SLC36A1: variants seen among roughly 807,000 people sequenced by gnomAD.
The protein encoded by SLC36A1 is solute carrier family 36 member 1.
Under a neutral mutation model 47.5 loss-of-function variants are expected in SLC36A1, and 30 were observed. That is an observed-to-expected ratio of 0.63 (90% CI 0.47 to 0.86). The LOEUF (loss-of-function observed/expected upper bound fraction) is 0.86. Ranked by LOEUF, SLC36A1 falls within the 40% of genes least tolerant of loss-of-function variation. The probability of loss-of-function intolerance (pLI) is 0.00; values close to 1 mark genes in which losing one functional copy is unlikely to be tolerated. For synonymous variants in SLC36A1, 255 were observed against 249.7 expected (o/e 1.02, Z -0.20); for missense variants, 517 against 606.0 (o/e 0.85, Z 1.54).
At chr5:151,440,989 GC>G (rs907978463) in intron 1 of SLC36A1, among the ~76,000 whole-genome samples, 1 of 152,196 alleles carries the variant, frequency 6.6e-6, no homozygotes, top group Non-Finnish European at 1.5e-5. Flanking sequence ...CTCCTAGAGG[GC>G]TTTTCAAAAT....
chr5:151,460,587 C>T (rs1755367266), intron 2 of SLC36A1, among the ~76,000 whole-genome samples: 1 of 152,060 alleles, frequency 6.6e-6, no homozygotes, highest in Admixed American at 6.5e-5. Flanking sequence ...TATTACAGTC[C>T]CATCACAGGT....
At chr5:151,437,322 C>T (rs967218794) in intron 1 of SLC36A1, 2 of 152,190 alleles carry the variant, frequency 1.3e-5, no homozygotes, top group Non-Finnish European at 2.9e-5. Context: ...AATTAATATT[C>T]ACATCTTTAA....
the SLC36A1 span, among the ~76,000 whole-genome samples, chr5:151,523,424 A>G: frequency 6.6e-6 from 1 of 152,188 alleles, no homozygotes; most frequent in South Asian, 2.1e-4. Flanking sequence ...AAAAAATATA[A>G]CTGAGGCTCA....
chr5:151,350,967 AT>A, the SLC36A1 span, among the ~76,000 whole-genome samples: 26 of 152,150 alleles, frequency 1.7e-4, 1 homozygote, highest in Admixed American at 1.3e-3. Context: ...TTAAAGGACA[AT>A]GTTTTTAATG....
the SLC36A1 span, among the ~76,000 whole-genome samples, chr5:151,508,692 A>G: frequency 6.6e-6 from 1 of 151,124 alleles, no homozygotes; most frequent in Admixed American, 6.6e-5. Flanking sequence ...CCTGGGCGAC[A>G]GAGTGAAACT....
At chr5:151,403,372 T>A in the SLC36A1 span, among the ~76,000 whole-genome samples, 3 of 152,166 alleles carry the variant, frequency 2.0e-5, no homozygotes, top group Non-Finnish European at 4.4e-5. Context: ...GAGAGTGAAT[T>A]TCTCATGAAT....
chr5:151,426,942 T>A, the SLC36A1 span, among the ~76,000 whole-genome samples: 1 of 152,244 alleles, frequency 6.6e-6, no homozygotes, highest in African/African-American at 2.4e-5. Flanking sequence ...AAGCACATCC[T>A]GCACAGCCCT....
the SLC36A1 span, among the ~76,000 whole-genome samples, chr5:151,394,037 C>T: frequency 9.3e-4 from 142 of 152,288 alleles, 1 homozygote; most frequent in East Asian, 3.3e-3. Context: ...CTTTCAGGTA[C>T]GCCAATCAGA....
chr5:151,402,302 T>C, the SLC36A1 span, among the ~76,000 whole-genome samples: 3 of 152,234 alleles, frequency 2.0e-5, no homozygotes, highest in Non-Finnish European at 2.9e-5. Context: ...CATTTATTGG[T>C]TGGTGTGTGC....
chr5:151,509,949 TTTCTAGAGGTCAGAGTACAGAGCGCATTC>T, the SLC36A1 span: 1 of 1,547,988 alleles, frequency 6.5e-7, no homozygotes, highest in South Asian at 1.2e-5. Flanking sequence ...CCCATTGGAC[TTTCTAGAGGTCAGAGTACAGAGCGCATTC>T]CCTAACAAGG....
chr5:151,408,093 C>T, the SLC36A1 span, among the ~76,000 whole-genome samples: 1 of 152,180 alleles, frequency 6.6e-6, no homozygotes, highest in Non-Finnish European at 1.5e-5. Flanking sequence ...TTTAGGTTCT[C>T]CTTCCATAAA....
chr5:151,512,520 G>T, the SLC36A1 span: 1 of 1,614,170 alleles, frequency 6.2e-7, no homozygotes. This position sits in a 1 kb window ranked among gnomAD's most constrained non-coding sequence, Gnocchi z 4.1. Flanking sequence ...AGTGCCACTC[G>T]TGGTCATTCA....
intron 3 of SLC36A1, 34 bp downstream of exon 3, chr5:151,463,677 CA>C: frequency 2.0e-6 from 3 of 1,526,436 alleles, no homozygotes; most frequent in Non-Finnish European, 2.7e-6. Context: ...GGAGTGGTGA[CA>C]AATTTTAGGA....
At chr5:151,386,779 TC>T in the SLC36A1 span, among the ~76,000 whole-genome samples, 4 of 152,192 alleles carry the variant, frequency 2.6e-5, no homozygotes, top group Non-Finnish European at 5.9e-5. Flanking sequence ...CTCTGCCCGG[TC>T]CCTGTCTTTC....
At chr5:151,497,951 TTC>T in the SLC36A1 span, among the ~76,000 whole-genome samples, 3 of 151,742 alleles carry the variant, frequency 2.0e-5, no homozygotes, top group Non-Finnish European at 4.4e-5. Flanking sequence ...TTTTTTTTTT[TTC>T]TTTTTTTTTG....
At chr5:151,375,670 C>T in the SLC36A1 span, among the ~76,000 whole-genome samples, 3 of 151,918 alleles carry the variant, frequency 2.0e-5, no homozygotes, top group Non-Finnish European at 2.9e-5. Context: ...GTCATTTTAA[C>T]AACTGTGTTT....
the SLC36A1 span, chr5:151,406,572 A>G: frequency 1.3e-5 from 2 of 149,080 alleles, no homozygotes; most frequent in Non-Finnish European, 2.9e-5. Context: ...TGAAAGAGAA[A>G]CACAGGAAAA....
the SLC36A1 span, chr5:151,527,244 G>A: frequency 6.2e-7 from 1 of 1,610,562 alleles, no homozygotes; most frequent in Non-Finnish European, 8.5e-7. Flanking sequence ...CTGGACAGTG[G>A]TGCTGTAGTT....
At chr5:151,545,005 T>C in the SLC36A1 span, 1 of 1,614,154 alleles carries the variant, frequency 6.2e-7, no homozygotes, top group South Asian at 1.1e-5. Context: ...GTCCCTCACT[T>C]CCACTGCCAA....
Sources: gnomAD v4.1 joint callset for allele counts (sites outside exome capture counted in the v4.1 genomes callset) on GRCh38, gnomAD v4.1.1 for gene constraint, Gnocchi (gnomAD v3.1) non-coding constraint, MANE v1.5 for transcripts, NCBI Gene and HGNC (gene_info 2026-07-23, HGNC 2026-07-21) for gene names.